Variants in CCDC141 observed in about 807,000 individuals in gnomAD.
The protein encoded by CCDC141 is coiled-coil domain containing 141.
A neutral mutation model predicts 181.0 loss-of-function variants in CCDC141; 168 were observed. The ratio of observed to expected loss-of-function variants is 0.93; its 90% CI spans 0.82 to 1.05. The LOEUF (loss-of-function observed/expected upper bound fraction) is 1.05. CCDC141 is among the 50% of genes least tolerant of loss of function. CCDC141 has a pLI of 0.00. For synonymous variants in CCDC141, 666 were observed against 642.3 expected (o/e 1.04, Z -0.56); for missense variants, 1,902 against 1,788.5 (o/e 1.06, Z -1.14).
intron 1 of CCDC141, among the ~76,000 whole-genome samples, chr2:179,049,436 T>C (rs955330346): frequency 6.6e-6 from 1 of 152,058 alleles, no homozygotes; most frequent in Admixed American, 6.6e-5. Context: ...CCCACCTCCA[T>C]CACATCCACT....
chr2:179,015,594 G>GATATA, intron 2 of CCDC141, among the ~76,000 whole-genome samples: 1 of 36,916 alleles, frequency 2.7e-5, no homozygotes, highest in African/African-American at 1.2e-4. Context: ...TATCTCATAT[G>GATATA]TATCTCATAT....
At chr2:178,925,850 T>C (rs948043916) in intron 6 of CCDC141, among the ~76,000 whole-genome samples, 3 of 152,168 alleles carry the variant, frequency 2.0e-5, no homozygotes, top group African/African-American at 4.8e-5. Context: ...ACTTTTTCAT[T>C]GTCTACACAA....
intron 6 of CCDC141, among the ~76,000 whole-genome samples, chr2:178,934,030 A>AT (rs1004283613): frequency 4.0e-5 from 6 of 151,250 alleles, no homozygotes; most frequent in Non-Finnish European, 7.4e-5. Context: ...TAAGATTGAC[A>AT]TTTTTTTTTA....
intron 1 of CCDC141, among the ~76,000 whole-genome samples, 196 bp from the exon 2 acceptor site, chr2:179,047,602 G>A (rs1024720255): frequency 5.3e-5 from 8 of 151,994 alleles, no homozygotes; most frequent in African/African-American, 1.9e-4. Context: ...ATAAATCCAT[G>A]CCCTGTCTTT....
At position 178,888,413 on chromosome 2, in the gene CCDC141, A is replaced by C; in HGVS notation, c.1407+114T>G. On this transcript the variant is annotated intron_variant, in intron 9 of 23. Transcript: ENST00000443758. ...TCAATTAAAGGACCCAATGTGGTAC[A>C]TAAGGGCAGCCTAAGGAGACATGCC... The C allele has an allele frequency of 4.4e-6, 4 of 906,182 alleles. No individual in the cohort carries two copies. The South Asian group carries it at 6.5e-5, about 15-fold the overall frequency. 56.1% of individuals were successfully genotyped at this position (906,182 alleles called of 1,614,324 possible).
chr2:178,959,297 AAAAAAATAAAAAT>A (rs1216901573), intron 5 of CCDC141, among the ~76,000 whole-genome samples: 1 of 152,038 alleles, frequency 6.6e-6, no homozygotes, highest in Admixed American at 6.5e-5. Flanking sequence ...TATAATAATT[AAAAAAATAAAAAT>A]AAAAAATAAA....
At chr2:178,891,309 T>C (rs1347215828) in intron 8 of CCDC141, among the ~76,000 whole-genome samples, 1 of 152,144 alleles carries the variant, frequency 6.6e-6, no homozygotes, top group African/African-American at 2.4e-5. Context: ...TGAGTAGGAT[T>C]GTTATCCCCA....
intron 2 of CCDC141, among the ~76,000 whole-genome samples, chr2:179,043,234 C>T (rs150183096): frequency 0.03 from 4,504 of 152,152 alleles, 224 homozygotes; most frequent in African/African-American, 0.1. Context: ...TAATAAATAG[C>T]CTGCCAACCA....
At chr2:178,918,973 C>G in intron 6 of CCDC141, 66 bp from the exon 7 acceptor site, 1 of 1,358,984 alleles carries the variant, frequency 7.4e-7, no homozygotes, top group Non-Finnish European at 1.0e-6. Context: ...TTGTGTCCCC[C>G]CGAAATTCCT....
chr2:178,965,386 C>T (rs1690579952), intron 4 of CCDC141, among the ~76,000 whole-genome samples: 1 of 152,192 alleles, frequency 6.6e-6, no homozygotes, highest in African/African-American at 2.4e-5. Flanking sequence ...GAGATTGACA[C>T]AGAAGGAAGG....
At chr2:178,945,564 C>A (rs576089306) in intron 5 of CCDC141, among the ~76,000 whole-genome samples, 40 of 152,272 alleles carry the variant, frequency 2.6e-4, no homozygotes, top group South Asian at 6.2e-4. Context: ...CATGCTCTTT[C>A]CATTGTGCCC....
intron 2 of CCDC141, among the ~76,000 whole-genome samples, chr2:179,045,672 T>A (rs924664612): frequency 3.3e-5 from 5 of 151,930 alleles, no homozygotes; most frequent in South Asian, 2.1e-4. Context: ...CTCCAGCACC[T>A]GTTGTTTCCT....
rs1005216478 is a variant in CCDC141 at position 178,834,298 on chromosome 2, G to C, written c.4468C>G (p.Leu1490Val). 1.8e-5 allele frequency: 28 copies of C among 1,535,888 alleles called. No individual in the cohort carries two copies. Among genetic ancestry groups the C allele is most frequent in the Non-Finnish European group, 2.3e-5 (26 of 1,146,854 alleles). Residue 1490 changes from leucine to valine, a missense_variant, in exon 24 of 24, where the codon CTC (leucine) becomes GTC (valine). Transcript: ENST00000443758. ...VARAQNSSGA[L>V]SSNVILHVTG... is the part of the protein sequence containing the mutation. Reference sequence around the variant, plus strand: ...ACGTGGAGGATGACATTGGAAGAGAGAGCGCCGCTAGAGTTTTGGGCCCGA... The same window carrying C: ...ACGTGGAGGATGACATTGGAAGAGACAGCGCCGCTAGAGTTTTGGGCCCGA...
At chr2:178,955,779 A>C (rs1690137214) in intron 5 of CCDC141, among the ~76,000 whole-genome samples, 1 of 152,212 alleles carries the variant, frequency 6.6e-6, no homozygotes, top group Non-Finnish European at 1.5e-5. Context: ...AGTATTTTTA[A>C]ATCACAAGCA....
At chr2:179,048,657 G>C (rs1386801613) in intron 1 of CCDC141, among the ~76,000 whole-genome samples, 2 of 152,130 alleles carry the variant, frequency 1.3e-5, no homozygotes, top group African/African-American at 2.4e-5. Flanking sequence ...TGATCTGTTT[G>C]CCCTACTTCT....
At chr2:178,883,673 C>T (rs1336910448) in intron 11 of CCDC141, among the ~76,000 whole-genome samples, 6 of 152,176 alleles carry the variant, frequency 3.9e-5, no homozygotes, top group African/African-American at 1.4e-4. Flanking sequence ...GTGAACCCTA[C>T]TGGCTCTGCC....
chr2:178,905,233 A>C, intron 8 of CCDC141, 96 bp downstream of exon 8: 1 of 1,155,528 alleles, frequency 8.7e-7, no homozygotes, highest in Non-Finnish European at 1.2e-6. Context: ...GCAAAACATC[A>C]GAACCAGAAA....
At chr2:179,024,327 C>T (rs552618598) in intron 2 of CCDC141, among the ~76,000 whole-genome samples, 16 of 152,248 alleles carry the variant, frequency 1.1e-4, no homozygotes, top group Admixed American at 3.9e-4. Context: ...ATTCCTTTTT[C>T]GCATGTTTCT....
intron 6 of CCDC141, among the ~76,000 whole-genome samples, chr2:178,940,480 A>G (rs1689463755): frequency 6.6e-6 from 1 of 152,240 alleles, no homozygotes; most frequent in South Asian, 2.1e-4. Flanking sequence ...TGTTGAGCCC[A>G]TTAGAGTAGG....
Sources: gnomAD v4.1 joint callset for allele counts (sites outside exome capture counted in the v4.1 genomes callset) on GRCh38, gnomAD v4.1.1 for gene constraint, MANE v1.5 for transcripts, NCBI Gene and HGNC (gene_info 2026-07-23, HGNC 2026-07-21) for gene names.